MYO9A: variants seen among roughly 807,000 people sequenced by gnomAD.
The protein encoded by MYO9A is myosin IXA.
A neutral mutation model predicts 293.3 loss-of-function variants in MYO9A; 103 were observed. The ratio of observed to expected loss-of-function variants is 0.35; its 90% CI spans 0.30 to 0.41. The LOEUF is 0.41. Among genes scored for constraint, MYO9A ranks in the 10% least tolerant of loss-of-function variants. The probability of loss-of-function intolerance (pLI) is 1.00; values close to 1 mark genes in which losing one functional copy is unlikely to be tolerated. For missense variants in MYO9A, 2,685 were observed against 3,033.0 expected (o/e 0.89, Z 2.69); for synonymous variants, 1,001 against 1,035.7 (o/e 0.97, Z 0.64).
chr15:71,899,398 A>G (rs1264007366), intron 24 of MYO9A, among the ~76,000 whole-genome samples: 3 of 152,234 alleles, frequency 2.0e-5, no homozygotes, highest in Non-Finnish European at 4.4e-5. Flanking sequence ...GAAAGTAACA[A>G]CAGTTGAATA....
intron 10 of MYO9A, among the ~76,000 whole-genome samples, chr15:71,992,218 T>C (rs1053256841): frequency 6.6e-6 from 1 of 152,208 alleles, no homozygotes; most frequent in Non-Finnish European, 1.5e-5. Context: ...TTTCAGCTGT[T>C]TGGTAGAATA....
chr15:72,047,470 G>A (rs2078420691), intron 1 of MYO9A, among the ~76,000 whole-genome samples: 1 of 152,098 alleles, frequency 6.6e-6, no homozygotes, highest in African/African-American at 2.4e-5. Flanking sequence ...CTAGAAGAAT[G>A]ATTTCAACTT....
At chr15:71,844,936 T>A (rs960296504) in intron 39 of MYO9A, among the ~76,000 whole-genome samples, 7 of 152,314 alleles carry the variant, frequency 4.6e-5, no homozygotes, top group Middle Eastern at 3.4e-3. Context: ...GGTTTGTCTA[T>A]GGGTTAAATG....
chr15:71,903,970 G>C lies in MYO9A; in HGVS notation c.2836C>G (p.Arg946Gly). The change falls in exon 21 of 42, where the codon CGA (arginine) becomes GGA (glycine). Residue 946 changes from arginine to glycine, a missense_variant. Around this residue, in one of 10 missense-constraint regions of MYO9A, gnomAD observed 1,434 missense variants for 1,497.7 expected, o/e 0.96. Transcript: ENST00000356056. Reference protein sequence around the residue: ...LRYTGMLETVRIRQSGYSSKY... With the variant: ...LRYTGMLETVGIRQSGYSSKY... Reference sequence around the variant, plus strand: ...GAGCTGTATCCTGATTGGCGAATTCGAACTGTTTCCAGCATCCCGGTGTAT... The same window carrying C: ...GAGCTGTATCCTGATTGGCGAATTCCAACTGTTTCCAGCATCCCGGTGTAT... 1 of 1,613,990 alleles carries C rather than the reference G, an allele frequency of 6.2e-7. No homozygotes were observed. The highest frequency in any genetic ancestry group is 8.5e-7 in the Non-Finnish European group (1 of 1,179,972).
intron 39 of MYO9A, among the ~76,000 whole-genome samples, chr15:71,832,852 G>A (rs1231391170): frequency 6.6e-6 from 1 of 152,038 alleles, no homozygotes; most frequent in African/African-American, 2.4e-5. Context: ...ACAACAAGAG[G>A]AACAAAATCA....
At chr15:71,903,871 T>G in intron 21 of MYO9A, 58 bp downstream of exon 21, 3 of 1,379,152 alleles carry the variant, frequency 2.2e-6, no homozygotes, top group Non-Finnish European at 3.1e-6. Flanking sequence ...AAGCAAGATA[T>G]GTGGGAATCA....
chr15:71,966,436 C>T (rs1373996774), intron 13 of MYO9A, among the ~76,000 whole-genome samples: 1 of 152,060 alleles, frequency 6.6e-6, no homozygotes, highest in Non-Finnish European at 1.5e-5. Flanking sequence ...TATTTGTGCA[C>T]TTTATGCACA....
At chr15:71,877,738 A>G (rs920458636) in intron 31 of MYO9A, among the ~76,000 whole-genome samples, 3 of 152,192 alleles carry the variant, frequency 2.0e-5, no homozygotes, top group African/African-American at 7.2e-5. Flanking sequence ...GATTACAGGC[A>G]TGAGCCACCG....
intron 2 of MYO9A, chr15:72,036,451 G>A (rs1302713963): frequency 6.6e-6 from 1 of 152,156 alleles, no homozygotes; most frequent in Non-Finnish European, 1.5e-5. Context: ...AGAAAAAACA[G>A]ATGAGTCTTG....
At chr15:72,034,111 G>A (rs1270214365) in intron 2 of MYO9A, among the ~76,000 whole-genome samples, 1 of 152,116 alleles carries the variant, frequency 6.6e-6, no homozygotes, top group African/African-American at 2.4e-5. Context: ...CTGATGCCCC[G>A]GCAACTACAT....
rs568985350 is a variant in MYO9A at position 71,982,619 on chromosome 15, A to C, written c.1723-4327T>G. The stretch of plus-strand genomic sequence containing the variant: ...TCAGGCCTAAGGGCAGGAAACTGAC[A>C]TTCTGCTCTGAAGGACAGTCAGTGA... On this transcript the variant is annotated intron_variant, in intron 11 of 41. Transcript: ENST00000356056. Among the ~76,000 whole-genome samples the C allele has an allele frequency of 6.0e-4, 92 of 152,356 alleles. 1 individual carries two copies. Among genetic ancestry groups the C allele is most frequent in the Non-Finnish European group, 1.2e-3 (80 of 68,032 alleles).
chr15:72,085,543 G>C (rs1335237479), intron 1 of MYO9A, among the ~76,000 whole-genome samples: 2 of 152,060 alleles, frequency 1.3e-5, no homozygotes, highest in African/African-American at 4.8e-5. Flanking sequence ...GTGATTCTTA[G>C]CTTCCTTGGA....
At chr15:72,086,417 A>G (rs1329642358) in intron 1 of MYO9A, among the ~76,000 whole-genome samples, 3 of 150,748 alleles carry the variant, frequency 2.0e-5, no homozygotes, top group African/African-American at 7.3e-5. Flanking sequence ...CAATGTTGGC[A>G]AGGGGGTGGG....
In MYO9A at chr15:71,904,029, C is replaced by G. The variant is rs773285976; in HGVS notation, c.2777G>C (p.Arg926Thr). ...TCTAAGTACCAAGACATCACTGAAC[C>G]TTAAGGGCAGCTAAAGCAAATGGAA... The part of the protein sequence containing the change: ...IRSNAEKLPL[R>T]FSDVLVLRQL... Residue 926 changes from arginine (R) to threonine (T), a missense_variant, in exon 21 of 42, where the codon AGG becomes ACG. Physicochemically the swap from Arg to Thr is moderately conservative, Grantham distance 71 (BLOSUM62 -1). Transcript: ENST00000356056. 3.1e-6 allele frequency: 5 copies of G among 1,613,460 alleles called. No individual in the cohort carries two copies. Among genetic ancestry groups the G allele is most frequent in the Non-Finnish European group, 8.5e-7 (1 of 1,179,730 alleles).
At chr15:71,935,109 G>C (rs1158678683) in intron 17 of MYO9A, 1 of 417,692 alleles carries the variant, frequency 2.4e-6, no homozygotes, top group Non-Finnish European at 4.3e-6. Flanking sequence ...ACTCAGTCAT[G>C]ATTCTCCTGG....
In MYO9A at chr15:71,991,094, G is replaced by A; in HGVS notation, c.1722+9C>T. 1 of 1,582,498 alleles carries A rather than the reference G, an allele frequency of 6.3e-7. No individual in the cohort carries two copies. Among genetic ancestry groups the A allele is most frequent in the Non-Finnish European group, 8.6e-7 (1 of 1,166,412 alleles). ...GGGGGGACAAGTGTATACATATTTA[G>A]GTACTCACTTGTTCCAATTTAAAGA... On this transcript the variant is annotated intron_variant, in intron 11 of 41. Transcript: ENST00000356056.
chr15:72,075,907 G>A (rs2079335530), intron 1 of MYO9A, among the ~76,000 whole-genome samples: 1 of 152,198 alleles, frequency 6.6e-6, no homozygotes, highest in Non-Finnish European at 1.5e-5. Context: ...AGACAGCTAT[G>A]TCTACTGTTA....
intron 26 of MYO9A, among the ~76,000 whole-genome samples, chr15:71,889,221 C>T (rs1022572791): frequency 6.6e-6 from 1 of 152,076 alleles, no homozygotes; most frequent in African/African-American, 2.4e-5. Context: ...CTAATCAACA[C>T]TTTGTATGAG....
At chr15:71,833,928 GAATT>G (rs765153761) in intron 39 of MYO9A, among the ~76,000 whole-genome samples, 246 of 151,646 alleles carry the variant, frequency 1.6e-3, no homozygotes, top group African/African-American at 5.0e-3. Flanking sequence ...ATTAATTAAA[GAATT>G]AATTAATTAA....
Sources: gnomAD v4.1 joint callset for allele counts (sites outside exome capture counted in the v4.1 genomes callset) on GRCh38, gnomAD v4.1.1 for gene constraint, gnomAD v4.1.1 regional missense constraint, MANE v1.5 for transcripts, NCBI Gene and HGNC (gene_info 2026-07-23, HGNC 2026-07-21) for gene names.